The following MYH10 variants were observed in gnomAD, a reference collection of about 807,000 sequenced individuals.
MYH10 encodes the protein myosin-10.
MYH10 carries 55 observed loss-of-function variants against 257.8 expected under a neutral mutation model. That is an observed-to-expected ratio of 0.21 (90% confidence interval 0.17 to 0.27). MYH10 has a LOEUF of 0.27. Ranked by LOEUF, MYH10 falls within the 10% of genes least tolerant of loss-of-function variation. MYH10 has a pLI of 1.00. For missense variants in MYH10, 1,631 were observed against 2,500.6 expected (o/e 0.65, Z 7.42); for synonymous variants, 854 against 921.7 (o/e 0.93, Z 1.33).
intron 2 of MYH10, among the ~76,000 whole-genome samples, chr17:8,610,702 C>T (rs767495262): frequency 6.6e-6 from 1 of 152,150 alleles, no homozygotes; most frequent in Non-Finnish European, 1.5e-5. Flanking sequence ...CTCTTCTTGC[C>T]CTTCCGCCTT....
chr17:8,547,765 T>G (rs1205826440), intron 11 of MYH10, among the ~76,000 whole-genome samples: 2 of 147,214 alleles, frequency 1.4e-5, no homozygotes, highest in East Asian at 3.9e-4. Context: ...ATTTAATAAA[T>G]ATATACTTTA....
intron 42 of MYH10, among the ~76,000 whole-genome samples, chr17:8,476,643 G>A (rs945098879): frequency 6.6e-6 from 1 of 152,208 alleles, no homozygotes; most frequent in African/African-American, 2.4e-5. Flanking sequence ...GCTCCAGCCT[G>A]GTGTGGTGGA....
intron 34 of MYH10, 91 bp downstream of exon 34, chr17:8,492,206 C>CATTCCCAGG: frequency 4.6e-6 from 6 of 1,303,280 alleles, no homozygotes; most frequent in Non-Finnish European, 6.4e-6. Flanking sequence ...GTCCTTCAGG[C>CATTCCCAGG]TCCCCTGAGG....
chr17:8,587,892 A>G (rs2083968760), intron 4 of MYH10, among the ~76,000 whole-genome samples: 1 of 152,070 alleles, frequency 6.6e-6, no homozygotes. Flanking sequence ...TCATGCCTCA[A>G]CTGCCACCTG....
At chr17:8,592,970 T>TATATATATATATATATAA (rs1567953268) in intron 3 of MYH10, among the ~76,000 whole-genome samples, 8 of 121,954 alleles carry the variant, frequency 6.6e-5, no homozygotes, top group South Asian at 2.6e-4. Context: ...TATATATATA[T>TATATATATATATATATAA]AAAAGATGAT....
intron 24 of MYH10, among the ~76,000 whole-genome samples, 190 bp downstream of exon 24, chr17:8,512,261 T>C (rs2081321398): frequency 6.6e-6 from 1 of 152,190 alleles, no homozygotes; most frequent in African/African-American, 2.4e-5. Context: ...AAATGACAAA[T>C]CTTTGTTCAA....
chr17:8,595,235 C>G (rs1447864023), intron 3 of MYH10, among the ~76,000 whole-genome samples: 1 of 152,082 alleles, frequency 6.6e-6, no homozygotes, highest in Non-Finnish European at 1.5e-5. Context: ...TTTTTGGCTA[C>G]AGTAAAGGAT....
At chr17:8,512,348 G>T in intron 24 of MYH10, 103 bp downstream of exon 24, 1 of 890,776 alleles carries the variant, frequency 1.1e-6, no homozygotes, top group Non-Finnish European at 1.7e-6. Flanking sequence ...GAACCCTTTT[G>T]CTTCTCTGTG....
At chr17:8,577,094 T>G (rs989584369) in intron 5 of MYH10, 142 bp downstream of exon 5, 2 of 594,014 alleles carry the variant, frequency 3.4e-6, no homozygotes, top group African/African-American at 1.8e-5. Context: ...AAAAAAGCAT[T>G]GCTGGGTAGG....
At chr17:8,622,797 C>G (rs1598003823) in intron 2 of MYH10, 105 bp downstream of exon 2, 2 of 1,276,888 alleles carry the variant, frequency 1.6e-6, no homozygotes, top group East Asian at 5.1e-5. Context: ...AAATGTTAAA[C>G]AGAGAGTTTG....
intron 2 of MYH10, among the ~76,000 whole-genome samples, chr17:8,605,529 A>C (rs1206586583): frequency 1.3e-5 from 2 of 152,108 alleles, no homozygotes; most frequent in Non-Finnish European, 2.9e-5. Flanking sequence ...GTGGATCACA[A>C]GGTCAGGAGT....
intron 3 of MYH10, among the ~76,000 whole-genome samples, chr17:8,592,047 G>A (rs947881333): frequency 2.0e-5 from 3 of 152,180 alleles, no homozygotes; most frequent in Admixed American, 6.5e-5. Context: ...AGAGCCTTAC[G>A]GTGATATTAA....
At chr17:8,484,061 A>T (rs1476019404) in intron 37 of MYH10, 77 bp downstream of exon 37, 1 of 1,387,134 alleles carries the variant, frequency 7.2e-7, no homozygotes, top group Non-Finnish European at 9.8e-7. Context: ...CTACAAATAT[A>T]TTAACTTTTT....
chr17:8,560,551 G>A (rs539540316), intron 7 of MYH10: 13 of 733,260 alleles, frequency 1.8e-5, no homozygotes, highest in South Asian at 6.6e-5. Context: ...GCTGTTTGCC[G>A]ACAAAGTTCC....
intron 17 of MYH10, 86 bp downstream of exon 17, chr17:8,530,537 G>A (rs994148691): frequency 2.8e-4 from 8 of 28,790 alleles, no homozygotes; most frequent in East Asian, 8.3e-4. Flanking sequence ...CGCCCTCCCC[G>A]GCCACCCTGC....
chr17:8,497,771 G>GA (rs1001413133), intron 30 of MYH10, among the ~76,000 whole-genome samples: 20 of 110,372 alleles, frequency 1.8e-4, no homozygotes, highest in African/African-American at 6.4e-4. Context: ...AAAAAAATCA[G>GA]AAAAAAACCC....
chr17:8,510,188 G>A (rs201543394), intron 24 of MYH10, among the ~76,000 whole-genome samples: 1 of 151,572 alleles, frequency 6.6e-6, no homozygotes, highest in Non-Finnish European at 1.5e-5. Flanking sequence ...ACAGGTGCCC[G>A]CCACCACGCC....
intron 13 of MYH10, among the ~76,000 whole-genome samples, chr17:8,544,343 T>A (rs1022243638): frequency 6.6e-6 from 1 of 152,226 alleles, no homozygotes; most frequent in African/African-American, 2.4e-5. Context: ...ATCTTGCCCA[T>A]TTCTTTTAAA....
intron 3 of MYH10, among the ~76,000 whole-genome samples, chr17:8,595,425 CTTTTTTTTTT>C (rs10664342): frequency 4.0e-4 from 34 of 84,206 alleles, no homozygotes; most frequent in African/African-American, 1.2e-3. Context: ...AAGAACAGTT[CTTTTTTTTTT>C]TTTTTTTTTT....
Sources: gnomAD v4.1 joint callset for allele counts (sites outside exome capture counted in the v4.1 genomes callset) on GRCh38, gnomAD v4.1.1 for gene constraint, MANE v1.5 for transcripts, NCBI Gene and HGNC (gene_info 2026-07-23, HGNC 2026-07-21) for gene names.